Variants in UBE2F observed in about 807,000 individuals in gnomAD.
UBE2F encodes ubiquitin conjugating enzyme E2 F (putative), also known as NEDD8-conjugating enzyme UBE2F.
UBE2F carries 5 observed loss-of-function variants against 29.6 expected under a neutral mutation model. The ratio of observed to expected loss-of-function variants is 0.17; its 90% CI spans 0.09 to 0.36. The LOEUF is 0.36. UBE2F is among the 10% of genes least tolerant of loss of function. UBE2F has a pLI of 1.00. For synonymous variants in UBE2F, 66 were observed against 81.8 expected (o/e 0.81, Z 1.04); for missense variants, 141 against 228.5 (o/e 0.62, Z 2.47).
At chr2:237,999,981 T>C (rs2063763222) in intron 4 of UBE2F, among the ~76,000 whole-genome samples, 1 of 151,984 alleles carries the variant, frequency 6.6e-6, no homozygotes, top group South Asian at 2.1e-4. Flanking sequence ...CACACCACCA[T>C]ACCCAGCTAA....
At chr2:238,002,613 TG>T (rs1320188863) in intron 4 of UBE2F, among the ~76,000 whole-genome samples, 7 of 151,892 alleles carry the variant, frequency 4.6e-5, no homozygotes, top group Non-Finnish European at 1.5e-5. Flanking sequence ...ATGAACATTT[TG>T]TTTTTTTGTT....
intron 5 of UBE2F, among the ~76,000 whole-genome samples, chr2:238,022,849 A>G (rs939360433): frequency 2.1e-4 from 32 of 151,938 alleles, no homozygotes; most frequent in African/African-American, 7.5e-4. Flanking sequence ...GGTTGGGGGG[A>G]AGGGGCTACA....
intron 5 of UBE2F, among the ~76,000 whole-genome samples, chr2:238,018,470 C>G (rs530665925): frequency 6.6e-6 from 1 of 152,038 alleles, no homozygotes; most frequent in Non-Finnish European, 1.5e-5. Flanking sequence ...AGAGAAAATA[C>G]CAGGGAAGGA....
intron 3 of UBE2F, among the ~76,000 whole-genome samples, chr2:237,994,256 G>A (rs529655076): frequency 4.7e-4 from 72 of 152,008 alleles, no homozygotes; most frequent in Admixed American, 3.4e-3. Flanking sequence ...GATTACAGGC[G>A]TAAGCCACCA....
chr2:238,007,517 G>A (rs2063933261), intron 4 of UBE2F, among the ~76,000 whole-genome samples: 1 of 39,134 alleles, frequency 2.6e-5, no homozygotes, highest in South Asian at 4.6e-4. Flanking sequence ...ATGTATGTAT[G>A]TATTTTTTTT....
At chr2:238,006,313 A>G (rs1008567507) in intron 4 of UBE2F, among the ~76,000 whole-genome samples, 4 of 152,206 alleles carry the variant, frequency 2.6e-5, no homozygotes, top group Non-Finnish European at 2.9e-5. Flanking sequence ...GATCTTCTCC[A>G]TCACCCAGAC....
intron 6 of UBE2F, among the ~76,000 whole-genome samples, chr2:238,027,725 G>A (rs533215289): frequency 1.3e-5 from 2 of 152,332 alleles, no homozygotes; most frequent in South Asian, 4.1e-4. Flanking sequence ...GCTTTATGGT[G>A]TGTCCCGAAT....
intron 2 of UBE2F, among the ~76,000 whole-genome samples, chr2:237,978,710 G>A (rs557073143): frequency 6.6e-6 from 1 of 152,286 alleles, no homozygotes; most frequent in East Asian, 1.9e-4. Flanking sequence ...TTGGGCTGCT[G>A]TCTCTCCTGA....
At chr2:238,022,405 A>G (rs921580413) in intron 5 of UBE2F, among the ~76,000 whole-genome samples, 10 of 152,112 alleles carry the variant, frequency 6.6e-5, no homozygotes, top group Non-Finnish European at 1.0e-4. Flanking sequence ...TTCTAGATTT[A>G]CTAGAGTCCT....
At chr2:238,035,692 G>GA (rs911705946) in intron 8 of UBE2F, 186 bp from the exon 9 acceptor site, 5 of 547,892 alleles carry the variant, frequency 9.1e-6, no homozygotes, top group African/African-American at 1.9e-5. Flanking sequence ...TCACCATTTT[G>GA]AAAAAAATAC....
chr2:237,993,381 T>C (rs935477697), intron 3 of UBE2F, among the ~76,000 whole-genome samples: 4 of 152,052 alleles, frequency 2.6e-5, no homozygotes, highest in Non-Finnish European at 4.4e-5. Context: ...TTTTTCCTGG[T>C]TTTTCCATGT....
At chr2:237,973,812 A>C in intron 2 of UBE2F, 1 of 592,306 alleles carries the variant, frequency 1.7e-6, no homozygotes. Flanking sequence ...GTGCATGCAG[A>C]TATGCATTCA....
At chr2:238,034,190 G>A (rs2064650876) in intron 8 of UBE2F, among the ~76,000 whole-genome samples, 2 of 151,918 alleles carry the variant, frequency 1.3e-5, no homozygotes, top group Admixed American at 1.3e-4. Context: ...TTTAGGAGGC[G>A]CTGAGGCCAG....
chr2:238,022,824 G>T (rs2064327513), intron 5 of UBE2F, among the ~76,000 whole-genome samples: 1 of 152,144 alleles, frequency 6.6e-6, no homozygotes, highest in Non-Finnish European at 1.5e-5. Context: ...TGTTGGTCTA[G>T]CTGTGGGCCA....
intron 3 of UBE2F, 143 bp downstream of exon 3, chr2:237,988,135 A>AT (rs1202836810): frequency 3.5e-6 from 2 of 573,582 alleles, no homozygotes; most frequent in African/African-American, 2.0e-5. Context: ...AAAAGGTAGG[A>AT]TTTTTTCAAG....
chr2:238,020,299 A>C (rs1318477171), intron 5 of UBE2F, among the ~76,000 whole-genome samples: 1 of 152,054 alleles, frequency 6.6e-6, no homozygotes, highest in Admixed American at 6.5e-5. Flanking sequence ...GCCCCCTACA[A>C]ACTTAGTGTA....
chr2:238,013,550 A>G, intron 4 of UBE2F, among the ~76,000 whole-genome samples: 1 of 152,166 alleles, frequency 6.6e-6, no homozygotes, highest in Non-Finnish European at 1.5e-5. Flanking sequence ...GAGAGCTGGC[A>G]TGACTCCTTG....
At chr2:238,014,018 A>G (rs767297803) in intron 4 of UBE2F, among the ~76,000 whole-genome samples, 1 of 152,158 alleles carries the variant, frequency 6.6e-6, no homozygotes, top group Admixed American at 6.5e-5. Flanking sequence ...TGAGTCCACT[A>G]CCTGCCGGCT....
chr2:238,029,342 A>C (rs2064514719), intron 6 of UBE2F, among the ~76,000 whole-genome samples: 1 of 152,070 alleles, frequency 6.6e-6, no homozygotes, highest in Non-Finnish European at 1.5e-5. Context: ...TAATCCCAGC[A>C]CTTTGGGAGG....
Sources: allele counts gnomAD v4.1 joint callset (sites outside exome capture counted in the v4.1 genomes callset), GRCh38; gene constraint gnomAD v4.1.1; transcripts MANE v1.5; gene names NCBI Gene and HGNC (gene_info 2026-07-23, HGNC 2026-07-21).